AGXT2: variants seen among roughly 807,000 people sequenced by gnomAD.
AGXT2 encodes alanine--glyoxylate aminotransferase 2.
In AGXT2, 61 loss-of-function variants were observed where a neutral mutation model predicts 62.5. The observed-to-expected ratio is 0.98, with a 90% confidence interval of 0.79 to 1.21. The LOEUF is 1.21. Among genes scored for constraint, AGXT2 ranks in the 50% most tolerant of loss-of-function variants. The probability of loss-of-function intolerance (pLI) is 0.00; values close to 1 mark genes in which losing one functional copy is unlikely to be tolerated. For synonymous variants in AGXT2, 243 were observed against 218.7 expected (o/e 1.11, Z -0.98); for missense variants, 666 against 641.5 (o/e 1.04, Z -0.41).
At position 35,045,764 on chromosome 5, in the gene AGXT2, C is replaced by CTTT. The variant is rs1255749919; in HGVS notation, c.88+2038_88+2040dup. Among the ~76,000 whole-genome samples, 124 of 99,104 alleles carry CTTT rather than the reference C, an allele frequency of 1.3e-3. 1 individual carries two copies. Among genetic ancestry groups the CTTT allele is most frequent in the Middle Eastern group, 5.3e-3 (1 of 188 alleles). 65.0% of individuals were successfully genotyped at this position (99,104 alleles called of 152,430 possible). On this transcript the variant is annotated intron_variant, in intron 1 of 13. Transcript: ENST00000231420. The stretch of plus-strand genomic sequence containing the variant: ...TGTGGTTTTTTTCTTTTTCTTTTTT[C>CTTT]TTTTTTTTTTTTTTTTTTTTTGAGA...
At chr5:35,033,118 C>G in intron 6 of AGXT2, 1 of 497,338 alleles carries the variant, frequency 2.0e-6, no homozygotes, top group South Asian at 2.1e-5. Flanking sequence ...GTATCTGATT[C>G]AGATGCTGAA....
At chr5:35,020,657 C>G (rs1202978655) in intron 9 of AGXT2, among the ~76,000 whole-genome samples, 2 of 152,194 alleles carry the variant, frequency 1.3e-5, no homozygotes, top group African/African-American at 2.4e-5. Context: ...CCTTTGAAAA[C>G]TGGCATAAGA....
chr5:35,000,114 T>C (rs1413815822), intron 13 of AGXT2, among the ~76,000 whole-genome samples: 1 of 152,158 alleles, frequency 6.6e-6, no homozygotes, highest in Non-Finnish European at 1.5e-5. Context: ...CCCATTCACA[T>C]CTCAATTGGT....
At chr5:35,017,803 G>C (rs1766903711) in intron 9 of AGXT2, among the ~76,000 whole-genome samples, 1 of 152,252 alleles carries the variant, frequency 6.6e-6, no homozygotes, top group South Asian at 2.1e-4. Flanking sequence ...CAAACCAAAG[G>C]CAAAGAAGTT....
intron 9 of AGXT2, among the ~76,000 whole-genome samples, chr5:35,024,814 T>C (rs1204016061): frequency 6.6e-6 from 1 of 151,728 alleles, no homozygotes; most frequent in Non-Finnish European, 1.5e-5. Flanking sequence ...TACTAAAAAA[T>C]ACAAAACTAG....
chr5:35,019,240 G>C (rs1257471334), intron 9 of AGXT2, among the ~76,000 whole-genome samples: 1 of 139,116 alleles, frequency 7.2e-6, no homozygotes, highest in Non-Finnish European at 1.6e-5. Flanking sequence ...GACATCTACA[G>C]AACTCTCCAC....
At chr5:35,018,888 G>A (rs2112218325) in intron 9 of AGXT2, among the ~76,000 whole-genome samples, 1 of 144,358 alleles carries the variant, frequency 6.9e-6, no homozygotes, top group South Asian at 2.2e-4. Context: ...GATCTACCAA[G>A]CAAATAGAAA....
intron 4 of AGXT2, among the ~76,000 whole-genome samples, chr5:35,036,590 T>C (rs1329636616): frequency 6.6e-6 from 1 of 152,238 alleles, no homozygotes; most frequent in Non-Finnish European, 1.5e-5. Flanking sequence ...AAAAACCTCT[T>C]GAGGACATAG....
In AGXT2 at chr5:35,025,838, G is replaced by A. The variant is rs147671691; in HGVS notation, c.888C>T (p.Val296=). Residue 296 remains valine (V), a synonymous_variant, in exon 9 of 14, where the codon GTC becomes GTT. Transcript: ENST00000231420. The part of the protein sequence containing the change: ...AEPIQGVNGV[V]QYPKGFLKEA... ...CCTTTAGAAACCCCTTTGGGTACTG[G>A]ACAACTCCATTCACACCCTGCAAAA... is the stretch of plus-strand genomic sequence containing the variant. The A allele has an allele frequency of 1.2e-6, 2 of 1,614,044 alleles. No individual in the cohort carries two copies. The highest frequency in any genetic ancestry group is 2.2e-5 in the East Asian group (1 of 44,884).
intron 1 of AGXT2, among the ~76,000 whole-genome samples, chr5:35,041,770 A>G (rs1365191075): frequency 6.6e-6 from 1 of 152,194 alleles, no homozygotes; most frequent in Non-Finnish European, 1.5e-5. Context: ...AAACATAATG[A>G]ACAATTGTGT....
chr5:35,020,564 G>C (rs1767029497), intron 9 of AGXT2, among the ~76,000 whole-genome samples: 1 of 152,056 alleles, frequency 6.6e-6, no homozygotes, highest in South Asian at 2.1e-4. Context: ...GGTATTGATG[G>C]GACGTATTTC....
At chr5:35,027,517 G>T (rs9885495) in intron 7 of AGXT2, among the ~76,000 whole-genome samples, 7 of 151,896 alleles carry the variant, frequency 4.6e-5, no homozygotes, top group African/African-American at 1.2e-4. Context: ...TATCCCTTTC[G>T]CATATTTTCA....
chr5:35,031,440 C>T (rs897490404), intron 7 of AGXT2, among the ~76,000 whole-genome samples: 2 of 152,044 alleles, frequency 1.3e-5, no homozygotes, highest in Non-Finnish European at 2.9e-5. Flanking sequence ...TTTAAGACTT[C>T]TGTTTTGTAT....
chr5:35,026,553 GA>G, intron 7 of AGXT2, 43 bp from the exon 8 acceptor site: 1 of 1,473,250 alleles, frequency 6.8e-7, no homozygotes, highest in Non-Finnish European at 9.4e-7. Context: ...CACAGCATTT[GA>G]AAATGTGAGC....
chr5:35,017,685 C>A (rs1481848825), intron 9 of AGXT2, among the ~76,000 whole-genome samples: 1 of 152,182 alleles, frequency 6.6e-6, no homozygotes, highest in Non-Finnish European at 1.5e-5. Context: ...TCCAAAGGAA[C>A]GCAGTTCCTC....
chr5:35,022,258 A>G (rs1457109464), intron 9 of AGXT2, among the ~76,000 whole-genome samples: 1 of 152,148 alleles, frequency 6.6e-6, no homozygotes, highest in Non-Finnish European at 1.5e-5. Context: ...ACGCTGCTAT[A>G]AAGACACATG....
At chr5:35,007,600 G>C (rs1007353408) in intron 12 of AGXT2, among the ~76,000 whole-genome samples, 1 of 152,206 alleles carries the variant, frequency 6.6e-6, no homozygotes, top group Non-Finnish European at 1.5e-5. Flanking sequence ...GCATTGAGGG[G>C]ACAGTGAGTA....
At chr5:35,000,905 A>T (rs1766206995) in intron 13 of AGXT2, among the ~76,000 whole-genome samples, 1 of 152,234 alleles carries the variant, frequency 6.6e-6, no homozygotes, top group Admixed American at 6.5e-5. Context: ...GATACACATT[A>T]GTAGAAATTG....
Position 35,033,522 on chromosome 5 carries a change from G to A in AGXT2, c.613C>T (p.Leu205Phe), listed in dbSNP as rs1414535197. ...GAYHGCSPYTLGLTNVGTYKM... is the reference protein window; with the variant it reads ...GAYHGCSPYTFGLTNVGTYKM... Reference sequence around the variant, plus strand: ...TAGGTCCCTACGTTTGTCAAGCCAAGTGTGTAAGGACTGCATCCATGGTAG... The same window carrying A: ...TAGGTCCCTACGTTTGTCAAGCCAAATGTGTAAGGACTGCATCCATGGTAG... The change falls in exon 6 of 14, where the codon CTT becomes TTT. Residue 205 changes from leucine (L) to phenylalanine (F), a missense_variant. Coordinates refer to ENST00000231420, the MANE Select transcript of AGXT2 (RefSeq NM_031900.4). 1 of 1,613,750 alleles carries A rather than the reference G, an allele frequency of 6.2e-7. No homozygotes were observed. The highest frequency in any genetic ancestry group is 8.5e-7 in the Non-Finnish European group (1 of 1,179,734).
Sources: gnomAD v4.1 joint callset for allele counts (sites outside exome capture counted in the v4.1 genomes callset) on GRCh38, gnomAD v4.1.1 for gene constraint, MANE v1.5 for transcripts, NCBI Gene and HGNC (gene_info 2026-07-23, HGNC 2026-07-21) for gene names.